The following TMTC1 variants were observed in gnomAD, a reference collection of about 807,000 sequenced individuals.
TMTC1 encodes transmembrane O-mannosyltransferase targeting cadherins 1, also known as protein O-mannosyl-transferase TMTC1.
In TMTC1, 73 loss-of-function variants were observed where a neutral mutation model predicts 104.8. The ratio of observed to expected loss-of-function variants is 0.70; its 90% confidence interval spans 0.58 to 0.85. The LOEUF (loss-of-function observed/expected upper bound fraction) is 0.85. TMTC1 is among the 40% of genes least tolerant of loss of function. The pLI, the probability that TMTC1 is intolerant of heterozygous loss-of-function variation, is 0.00. For missense variants in TMTC1, 1,035 were observed against 1,096.1 expected (o/e 0.94, Z 0.79); for synonymous variants, 434 against 428.7 (o/e 1.01, Z -0.15).
At chr12:29,616,459 G>C (rs1287516016) in intron 6 of TMTC1, among the ~76,000 whole-genome samples, 1 of 152,054 alleles carries the variant, frequency 6.6e-6, no homozygotes, top group Non-Finnish European at 1.5e-5. Flanking sequence ...ATCACCTGAG[G>C]TCAAGAGTTC....
rs78153496 is a variant in TMTC1, at chr12:29,646,021, C to G, written c.939-12685G>C. Among the ~76,000 whole-genome samples, 140 of 152,278 alleles carry G rather than the reference C, an allele frequency of 9.2e-4. 1 individual carries two copies. The highest frequency in any genetic ancestry group is 1.7e-3 in the Non-Finnish European group (118 of 68,026). Reference sequence around the variant, plus strand: ...TATAGCAGAGTTTGCACACATATGACAGAGTTTTCTGGCTCCAAATACACT... The same window carrying G: ...TATAGCAGAGTTTGCACACATATGAGAGAGTTTTCTGGCTCCAAATACACT... On this transcript the variant is annotated intron_variant, in intron 5 of 17. Transcript: ENST00000539277.
intron 5 of TMTC1, among the ~76,000 whole-genome samples, chr12:29,700,081 T>C (rs1374295763): frequency 6.6e-6 from 1 of 152,058 alleles, no homozygotes; most frequent in Non-Finnish European, 1.5e-5. Context: ...TAGGGTCTTG[T>C]TCTGCTGCCC....
intron 7 of TMTC1, among the ~76,000 whole-genome samples, chr12:29,597,637 A>G (rs1946447033): frequency 6.6e-6 from 1 of 152,180 alleles, no homozygotes; most frequent in Non-Finnish European, 1.5e-5. Context: ...GAAAAAAAAA[A>G]AAAGCAGTGC....
At chr12:29,687,789 G>A (rs1055252071) in intron 5 of TMTC1, among the ~76,000 whole-genome samples, 7 of 152,150 alleles carry the variant, frequency 4.6e-5, no homozygotes, top group African/African-American at 9.7e-5. Context: ...CTACCTCCTC[G>A]CTGTGTCCTC....
chr12:29,652,874 C>T (rs1296599805), intron 5 of TMTC1, among the ~76,000 whole-genome samples: 4 of 152,064 alleles, frequency 2.6e-5, no homozygotes, highest in Non-Finnish European at 5.9e-5. Flanking sequence ...CCAGCCTGAC[C>T]AACATGGTGA....
chr12:29,561,207 C>G (rs974463123), intron 9 of TMTC1, among the ~76,000 whole-genome samples: 4 of 151,474 alleles, frequency 2.6e-5, no homozygotes, highest in Admixed American at 1.3e-4. Flanking sequence ...AAAAAGACAT[C>G]TCAGAAGCAC....
intron 5 of TMTC1, among the ~76,000 whole-genome samples, chr12:29,687,928 T>C (rs1384603701): frequency 6.6e-6 from 1 of 152,164 alleles, no homozygotes; most frequent in Non-Finnish European, 1.5e-5. Flanking sequence ...TTAACCCTAA[T>C]ACTTCCTTAA....
rs34338128 is a variant in TMTC1, at chr12:29,691,720, G to GAAA, written c.939-58387_939-58385dup. ...TAACAACTCATACACCCAAAAGTAG[G>GAAA]AAAAAAAAAAAAAAAAAACCTACTT... On this transcript the variant is annotated intron_variant, in intron 5 of 17. Coordinates refer to ENST00000539277, the MANE Select transcript of TMTC1 (RefSeq NM_001193451.2). Among the ~76,000 whole-genome samples, 224 of 109,436 alleles carry GAAA rather than the reference G, an allele frequency of 2.0e-3. 15 individuals carry two copies. Among genetic ancestry groups the GAAA allele is most frequent in the South Asian group, 0.019 (64 of 3,442 alleles). 71.8% of individuals were successfully genotyped at this position (109,436 alleles called of 152,430 possible). A position where few individuals can be genotyped will look rare whatever the true frequency, so the allele number is the denominator to read the frequency against.
intron 5 of TMTC1, among the ~76,000 whole-genome samples, chr12:29,713,289 A>G (rs1941982434): frequency 7.4e-6 from 1 of 135,398 alleles, no homozygotes; most frequent in Non-Finnish European, 1.6e-5. Flanking sequence ...AAATCTCTCT[A>G]CATAAACACA....
At chr12:29,767,017 T>A (rs183976874) in intron 2 of TMTC1, among the ~76,000 whole-genome samples, 1 of 152,152 alleles carries the variant, frequency 6.6e-6, no homozygotes, top group Non-Finnish European at 1.5e-5. Context: ...TGGTGCAATC[T>A]TGGCTCACTG....
chr12:29,605,621 A>G (rs1946678467), intron 6 of TMTC1, among the ~76,000 whole-genome samples: 1 of 151,720 alleles, frequency 6.6e-6, no homozygotes, highest in Non-Finnish European at 1.5e-5. Flanking sequence ...TAAAAGCTGC[A>G]AGCTATCTTT....
chr12:29,575,735 G>A (rs1439309038), intron 8 of TMTC1, among the ~76,000 whole-genome samples: 1 of 152,186 alleles, frequency 6.6e-6, no homozygotes, highest in Non-Finnish European at 1.5e-5. Flanking sequence ...TTGAGATACT[G>A]ATTTCATTTC....
intron 7 of TMTC1, among the ~76,000 whole-genome samples, chr12:29,592,569 C>T (rs1024688297): frequency 6.6e-6 from 1 of 152,154 alleles, no homozygotes; most frequent in African/African-American, 2.4e-5. Flanking sequence ...TTTTCTTTTA[C>T]TCCTCTCAGC....
chr12:29,539,498 C>G (rs568787463), intron 10 of TMTC1, among the ~76,000 whole-genome samples: 1 of 152,164 alleles, frequency 6.6e-6, no homozygotes, highest in Non-Finnish European at 1.5e-5. Flanking sequence ...TTATTAATGT[C>G]CAACTACCTA....
chr12:29,612,291 T>G (rs1946865267), intron 6 of TMTC1, among the ~76,000 whole-genome samples: 1 of 152,164 alleles, frequency 6.6e-6, no homozygotes, highest in African/African-American at 2.4e-5. Flanking sequence ...AAGCACAAGA[T>G]TGCATTCTAC....
chr12:29,594,402 C>A (rs1946356624), intron 7 of TMTC1, among the ~76,000 whole-genome samples: 1 of 152,224 alleles, frequency 6.6e-6, no homozygotes, highest in Non-Finnish European at 1.5e-5. Flanking sequence ...AGGCATAGGC[C>A]TCATAATGTG....
chr12:29,516,703 G>C (rs558315998), intron 14 of TMTC1, among the ~76,000 whole-genome samples: 1 of 152,246 alleles, frequency 6.6e-6, no homozygotes, highest in East Asian at 1.9e-4. Context: ...GTGAGTGGCA[G>C]AAACACTAAA....
intron 5 of TMTC1, among the ~76,000 whole-genome samples, chr12:29,667,759 C>T (rs1940340229): frequency 6.6e-6 from 1 of 152,150 alleles, no homozygotes; most frequent in African/African-American, 2.4e-5. Flanking sequence ...CAACTAATAG[C>T]AAAAATTTCA....
At chr12:29,718,795 T>C (rs1483846143) in intron 5 of TMTC1, among the ~76,000 whole-genome samples, 1 of 150,868 alleles carries the variant, frequency 6.6e-6, no homozygotes, top group East Asian at 1.9e-4. Context: ...TAGCCACGAG[T>C]GGTGACGGGT....
Sources: allele counts gnomAD v4.1 joint callset (sites outside exome capture counted in the v4.1 genomes callset), GRCh38; gene constraint gnomAD v4.1.1; transcripts MANE v1.5; gene names NCBI Gene and HGNC (gene_info 2026-07-23, HGNC 2026-07-21).